Variants in MYH14 observed in about 807,000 individuals in gnomAD.
MYH14 encodes the protein myosin-14.
MYH14 carries 123 observed loss-of-function variants against 255.5 expected under a neutral mutation model. The ratio of observed to expected loss-of-function variants is 0.48; its 90% CI spans 0.42 to 0.56. The LOEUF (loss-of-function observed/expected upper bound fraction) is 0.56. Ranked by LOEUF, MYH14 falls within the 20% of genes least tolerant of loss-of-function variation. The pLI is 0.00. For synonymous variants in MYH14, 1,095 were observed against 1,161.2 expected, an observed-to-expected ratio of 0.94 and a Z score of 1.16; for missense variants, 2,423 against 2,802.3, an observed-to-expected ratio of 0.86 and a Z score of 3.06.
intron 1 of MYH14, among the ~76,000 whole-genome samples, chr19:50,206,637 G>A (rs2031771063): frequency 6.6e-6 from 1 of 152,140 alleles, no homozygotes; most frequent in South Asian, 2.1e-4. Flanking sequence ...GGGATGGGAG[G>A]AGAGGGTCTG....
chr19:50,310,142 C>G lies in MYH14; in HGVS notation c.*352C>G. Reference sequence around the variant, plus strand: ...GGGAGTGAGACGGCTCCTCCACCATCCTCAGCCAGTGCAACCCATTCCCTC... The same window carrying G: ...GGGAGTGAGACGGCTCCTCCACCATGCTCAGCCAGTGCAACCCATTCCCTC... On this transcript the variant is annotated 3_prime_UTR_variant, in exon 43 of 43. Coordinates refer to ENST00000642316, the MANE Select transcript of MYH14 (RefSeq NM_001145809.2). The G allele has an allele frequency of 2.9e-6, 1 of 344,910 alleles. No individual in the cohort carries two copies. 21.4% of individuals were successfully genotyped at this position (344,910 alleles called of 1,614,324 possible). A position where few individuals can be genotyped will look rare whatever the true frequency, so the allele number is the denominator to read the frequency against.
rs573195811 is a variant in MYH14 at position 50,276,122 on chromosome 19, G to A, written c.3599G>A (p.Arg1200Gln). 34 of 1,596,886 alleles carry A rather than the reference G, an allele frequency of 2.1e-5. No homozygotes were observed. Among genetic ancestry groups the A allele is most frequent in the East Asian group, 1.8e-4 (8 of 44,160 alleles). ...AGGACCAAGGCGGAGAAGCAGCGCC[G>A]GGACCTGGGCGAGGAGCTGGAGGCG... The part of the protein sequence containing the change: ...VARTKAEKQR[R>Q]DLGEELEALR... Residue 1200 changes from arginine (R) to glutamine (Q), a missense_variant, in exon 28 of 43, where the codon CGG becomes CAG. By Grantham distance (43) the Arg-to-Gln change is conservative. Coordinates refer to ENST00000642316, the MANE Select transcript of MYH14 (RefSeq NM_001145809.2). This position sits in a 1 kb window ranked among gnomAD's most constrained non-coding sequence, Gnocchi z 4.3.
At position 50,290,961 on chromosome 19, in the gene MYH14, G is replaced by A; in HGVS notation, c.5040G>A (p.Leu1680=). The change falls in exon 36 of 43, where the codon CTG becomes CTA. Residue 1680 remains leucine (L), a synonymous_variant. Transcript: ENST00000642316. ...RTLAVAARKK[L]EGELEELKAQ... Reference sequence around the variant, plus strand: ...TGGCCGTGGCTGCCCGCAAGAAGCTGGAGGGAGAGCTGGAGGAGCTGAAGG... The same window carrying A: ...TGGCCGTGGCTGCCCGCAAGAAGCTAGAGGGAGAGCTGGAGGAGCTGAAGG... 2 of 1,604,986 alleles carry A rather than the reference G, an allele frequency of 1.2e-6. No homozygotes were observed. The highest frequency in any genetic ancestry group is 2.7e-5 in the African/African-American group (2 of 74,980).
intron 22 of MYH14, among the ~76,000 whole-genome samples, chr19:50,264,954 A>C (rs1399761848): frequency 6.6e-6 from 1 of 152,170 alleles, no homozygotes; most frequent in Non-Finnish European, 1.5e-5. Flanking sequence ...GCAGTAATGT[A>C]ATTCTGAATA....
rs201746408 is a variant in MYH14 at position 50,271,473 on chromosome 19, C to T, written c.3098C>T (p.Thr1033Met). 2.8e-4 allele frequency: 445 copies of T among 1,607,902 alleles called. No individual in the cohort carries two copies. Among genetic ancestry groups the T allele is most frequent in the Non-Finnish European group, 3.5e-4 (407 of 1,177,222 alleles). The change falls in exon 25 of 43, where the codon ACG becomes ATG. Residue 1033 changes from threonine to methionine, a missense_variant. By Grantham distance (81) the Thr-to-Met change is moderately conservative. This residue lies in a region of MYH14 where 1,513 missense variants were observed against 1,674.8 expected (regional missense o/e 0.90). Transcript: ENST00000642316. Reference protein sequence around the residue: ...ARQKLQLEKVTTEAKMKKFEE... With the variant: ...ARQKLQLEKVMTEAKMKKFEE... ...CAGAAGCTGCAGCTGGAGAAGGTGA[C>T]GACAGAGGCAAAAATGAAGAAATTT...
chr19:50,302,425 A>G (rs1381914196), intron 40 of MYH14, among the ~76,000 whole-genome samples: 13 of 151,132 alleles, frequency 8.6e-5, no homozygotes, highest in Non-Finnish European at 1.5e-4. Context: ...CTACCAAAAA[A>G]CACCAAAATT....
chr19:50,211,710 G>A (rs1336332929), intron 2 of MYH14, among the ~76,000 whole-genome samples: 2 of 152,042 alleles, frequency 1.3e-5, no homozygotes, highest in Admixed American at 1.3e-4. Context: ...GGCTGGGAAT[G>A]GTGGTTCATG....
intron 10 of MYH14, among the ~76,000 whole-genome samples, chr19:50,240,265 C>T (rs1013543499): frequency 6.6e-5 from 10 of 152,258 alleles, no homozygotes; most frequent in Non-Finnish European, 1.3e-4. Context: ...ATGTGTGCTG[C>T]GCATATGTAT....
At chr19:50,214,867 G>A (rs192738256) in intron 2 of MYH14, among the ~76,000 whole-genome samples, 16 of 152,234 alleles carry the variant, frequency 1.1e-4, no homozygotes, top group Admixed American at 2.6e-4. Flanking sequence ...CATATCTGGC[G>A]TGTGTTGCAT....
intron 41 of MYH14, chr19:50,308,739 G>A (rs957041851): frequency 1.2e-5 from 5 of 430,822 alleles, no homozygotes; most frequent in Non-Finnish European, 1.7e-5. Flanking sequence ...TGAAAGGATT[G>A]TGAGCAGGAG....
rs543230593 is a variant in MYH14 at position 50,251,272 on chromosome 19, C to T, written c.1830+584C>T. 1.5e-4 allele frequency among the ~76,000 whole-genome samples: 23 copies of T among 152,154 alleles called. No individual in the cohort carries two copies. In the South Asian group the frequency reaches 4.6e-3, roughly 30 times the overall value. On this transcript the variant is annotated intron_variant, in intron 15 of 42. Coordinates refer to ENST00000642316, the MANE Select transcript of MYH14 (RefSeq NM_001145809.2). The stretch of plus-strand genomic sequence containing the variant: ...GTTTCAGCTTTGTGGGCCAGACGAT[C>T]TCTGTCACAGCTACACAATTCTGCT...
chr19:50,231,435 T>C (rs2033380035), intron 9 of MYH14, among the ~76,000 whole-genome samples: 1 of 152,208 alleles, frequency 6.6e-6, no homozygotes, highest in South Asian at 2.1e-4. Flanking sequence ...ATACACTGCG[T>C]GGGGACTCAT....
chr19:50,232,320 A>C (rs2123239587), intron 10 of MYH14, among the ~76,000 whole-genome samples: 1 of 152,300 alleles, frequency 6.6e-6, no homozygotes, highest in East Asian at 1.9e-4. Context: ...AGCTGGGCGC[A>C]GTGGCTCATG....
At chr19:50,264,603 T>G (rs748535242) in intron 22 of MYH14, among the ~76,000 whole-genome samples, 4 of 152,326 alleles carry the variant, frequency 2.6e-5, no homozygotes, top group Non-Finnish European at 2.9e-5. Flanking sequence ...TGCAGTGTTC[T>G]GCGTCTCCCG....
chr19:50,302,113 T>TAAAAA (rs765650409), intron 40 of MYH14, among the ~76,000 whole-genome samples: 3 of 54,624 alleles, frequency 5.5e-5, no homozygotes, highest in African/African-American at 7.8e-5. Flanking sequence ...ACCTCATCTC[T>TAAAAA]AAAAAAAAAA....
chr19:50,255,736 TC>T (rs1185651300), intron 17 of MYH14, among the ~76,000 whole-genome samples: 1 of 152,014 alleles, frequency 6.6e-6, no homozygotes, highest in African/African-American at 2.4e-5. Context: ...GAACTTTAGT[TC>T]TTATCTGTGC....
intron 18 of MYH14, 27 bp downstream of exon 18, chr19:50,257,513 G>T: frequency 6.4e-7 from 1 of 1,574,032 alleles, no homozygotes; most frequent in Non-Finnish European, 8.6e-7. Flanking sequence ...GGGGAGGAAG[G>T]GGTGGCTGTG....
In MYH14 at chr19:50,223,030, G is replaced by A. The variant is rs1025119506; in HGVS notation, c.563-53G>A. 1.9e-6 allele frequency: 3 copies of A among 1,543,166 alleles called. No homozygotes were observed. The Admixed American group carries it at 5.0e-5, about 26-fold the overall frequency. On this transcript the variant is annotated intron_variant, in intron 3 of 42. Coordinates refer to ENST00000642316, the MANE Select transcript of MYH14 (RefSeq NM_001145809.2). ...AGCGGCCAGTGTAAGGGACCAGAGGGCCCTGCTAGAGACTCTCTCAGATGA... is the reference window on the plus strand; with the variant it reads ...AGCGGCCAGTGTAAGGGACCAGAGGACCCTGCTAGAGACTCTCTCAGATGA...
intron 10 of MYH14, among the ~76,000 whole-genome samples, chr19:50,237,287 C>T (rs2033699387): frequency 6.6e-6 from 1 of 151,924 alleles, no homozygotes; most frequent in Non-Finnish European, 1.5e-5. Context: ...TCTTGTGTTT[C>T]ATCTCTCCCC....
Sources: gnomAD v4.1 joint callset for allele counts (sites outside exome capture counted in the v4.1 genomes callset) on GRCh38, gnomAD v4.1.1 for gene constraint, gnomAD v4.1.1 regional missense constraint, Gnocchi (gnomAD v3.1) non-coding constraint, MANE v1.5 for transcripts, NCBI Gene and HGNC (gene_info 2026-07-23, HGNC 2026-07-21) for gene names.